Variants in OPRD1 observed in about 807,000 individuals in gnomAD.
The protein encoded by OPRD1 is opioid receptor delta 1, also known as delta-type opioid receptor.
In OPRD1, 19 loss-of-function variants were observed where a neutral mutation model predicts 17.5. That is an observed-to-expected ratio of 1.09 (90% CI 0.76 to 1.60). OPRD1 has a LOEUF of 1.60. OPRD1 is among the 40% of genes most tolerant of loss of function. OPRD1 has a pLI of 0.00. For missense variants in OPRD1, 483 were observed against 547.2 expected, an observed-to-expected ratio of 0.88 and a Z score of 1.17; for synonymous variants, 256 against 240.9, an observed-to-expected ratio of 1.06 and a Z score of -0.58.
chr1:28,822,198 C>T (rs1332806815), intron 1 of OPRD1, among the ~76,000 whole-genome samples: 5 of 152,094 alleles, frequency 3.3e-5, no homozygotes, highest in Non-Finnish European at 5.9e-5. Flanking sequence ...ATCCGCCCGA[C>T]TCGTCCTCCC....
intron 1 of OPRD1, among the ~76,000 whole-genome samples, chr1:28,849,220 T>C (rs933757504): frequency 1.3e-5 from 2 of 151,736 alleles, no homozygotes; most frequent in Non-Finnish European, 1.5e-5. Context: ...CTGAGCAACA[T>C]AGTGAGACCC....
At chr1:28,840,153 T>C (rs1279644869) in intron 1 of OPRD1, among the ~76,000 whole-genome samples, 7 of 152,186 alleles carry the variant, frequency 4.6e-5, no homozygotes, top group Admixed American at 4.6e-4. Flanking sequence ...TGAACATTTA[T>C]TCATTTCACA....
chr1:28,863,588 TAC>T lies in OPRD1; in HGVS notation c.*307_*308del. Reference sequence around the variant, plus strand: ...AGGAGAGGAGCGGGACCTGTGGCTCTACAACTGAGTCCTTAAACAGGGCATCT... The same window carrying T: ...AGGAGAGGAGCGGGACCTGTGGCTCTAACTGAGTCCTTAAACAGGGCATCT... On this transcript the variant is annotated 3_prime_UTR_variant, in exon 3 of 3. Transcript: ENST00000234961. 2.9e-6 allele frequency: 1 copy of T among 350,012 alleles called. No homozygotes were observed. The highest frequency in any genetic ancestry group is 5.1e-6 in the Non-Finnish European group (1 of 195,654). 21.7% of individuals were successfully genotyped at this position (350,012 alleles called of 1,614,324 possible). A position where few individuals can be genotyped will look rare whatever the true frequency, so the allele number is the denominator to read the frequency against.
At chr1:28,834,779 G>A (rs1057286362) in intron 1 of OPRD1, among the ~76,000 whole-genome samples, 1 of 152,164 alleles carries the variant, frequency 6.6e-6, no homozygotes, top group African/African-American at 2.4e-5. Flanking sequence ...GAGACAAGAG[G>A]GCAGTAAGAT....
chr1:28,851,132 C>A (rs2088999242), intron 1 of OPRD1, among the ~76,000 whole-genome samples: 2 of 152,050 alleles, frequency 1.3e-5, no homozygotes, highest in Admixed American at 1.3e-4. Flanking sequence ...GAAAAAGAGC[C>A]ACTTGAAAGC....
chr1:28,855,329 G>A (rs371033416), intron 1 of OPRD1, among the ~76,000 whole-genome samples: 273 of 152,310 alleles, frequency 1.8e-3, no homozygotes, highest in African/African-American at 6.2e-3. Context: ...CGGGCTTGAC[G>A]TGTCCAGGGA....
chr1:28,836,630 C>T (rs1372807790), intron 1 of OPRD1, among the ~76,000 whole-genome samples: 3 of 152,152 alleles, frequency 2.0e-5, no homozygotes, highest in Non-Finnish European at 2.9e-5. Flanking sequence ...GGCCCGGCTT[C>T]GGTGGTTGCT....
At chr1:28,861,688 A>C (rs1345896382) in intron 2 of OPRD1, among the ~76,000 whole-genome samples, 4 of 151,754 alleles carry the variant, frequency 2.6e-5, no homozygotes, top group African/African-American at 7.3e-5. Context: ...CAAGCAGTCC[A>C]CCTGCCTCAG....
At chr1:28,825,597 G>A (rs375474949) in intron 1 of OPRD1, among the ~76,000 whole-genome samples, 28 of 152,260 alleles carry the variant, frequency 1.8e-4, no homozygotes, top group African/African-American at 6.7e-4. Flanking sequence ...TGTTGGTCAG[G>A]CTGGTCTTGA....
At chr1:28,815,139 A>T (rs541855148) in intron 1 of OPRD1, among the ~76,000 whole-genome samples, 1 of 152,132 alleles carries the variant, frequency 6.6e-6, no homozygotes, top group East Asian at 1.9e-4. Flanking sequence ...TATTTTTGAG[A>T]CAAGATTTCT....
chr1:28,858,309 T>C (rs957357832), intron 1 of OPRD1, among the ~76,000 whole-genome samples: 1 of 139,706 alleles, frequency 7.2e-6, no homozygotes, highest in Admixed American at 7.4e-5. Context: ...AGAGAGGGGG[T>C]TTCACCGTGT....
intron 1 of OPRD1, among the ~76,000 whole-genome samples, chr1:28,813,658 C>T (rs935133360): frequency 6.6e-6 from 1 of 152,164 alleles, no homozygotes; most frequent in African/African-American, 2.4e-5. Flanking sequence ...AAATTTCCAT[C>T]TTTAAAACAA....
At chr1:28,828,636 T>C (rs922390069) in intron 1 of OPRD1, among the ~76,000 whole-genome samples, 2 of 146,790 alleles carry the variant, frequency 1.4e-5, no homozygotes, top group African/African-American at 5.0e-5. Flanking sequence ...CACTGAGCTA[T>C]GATCGTGCCA....
In OPRD1 at chr1:28,863,750, A is replaced by ACT. The variant is rs1456472540; in HGVS notation, c.*468_*469dup. ...AGTTGCTTGAAAACTGAGCTGCAAGACTGGGCCTCTGTGTAGTAGGGAGGA... is the reference window on the plus strand; with the variant it reads ...AGTTGCTTGAAAACTGAGCTGCAAGACTCTGGGCCTCTGTGTAGTAGGGAGGA... On this transcript the variant is annotated 3_prime_UTR_variant, in exon 3 of 3. Transcript: ENST00000234961. 2 of 158,102 alleles carry ACT rather than the reference A, an allele frequency of 1.3e-5. No individual in the cohort carries two copies. The highest frequency in any genetic ancestry group is 3.8e-4 in the East Asian group (2 of 5,316). 9.8% of individuals were successfully genotyped at this position (158,102 alleles called of 1,614,324 possible). A position where few individuals can be genotyped will look rare whatever the true frequency, so the allele number is the denominator to read the frequency against.
intron 1 of OPRD1, among the ~76,000 whole-genome samples, chr1:28,814,163 G>C (rs1296192484): frequency 1.3e-5 from 2 of 152,002 alleles, no homozygotes; most frequent in Non-Finnish European, 2.9e-5. Flanking sequence ...GTCTTTGTCA[G>C]TGATTCTCCC....
intron 1 of OPRD1, among the ~76,000 whole-genome samples, chr1:28,817,814 C>G (rs904406355): frequency 7.3e-5 from 11 of 150,938 alleles, no homozygotes; most frequent in African/African-American, 2.7e-4. Context: ...AAGGGATTCT[C>G]GTGCCTCAGC....
chr1:28,823,544 G>A (rs959642417), intron 1 of OPRD1, among the ~76,000 whole-genome samples: 1 of 151,872 alleles, frequency 6.6e-6, no homozygotes. Context: ...TTACAGGTAC[G>A]CACACCATGC....
intron 1 of OPRD1, among the ~76,000 whole-genome samples, chr1:28,848,447 G>A (rs111523176): frequency 6.6e-6 from 1 of 152,056 alleles, no homozygotes; most frequent in Admixed American, 6.6e-5. Context: ...AATATACTCC[G>A]TTCTTATCCT....
intron 1 of OPRD1, among the ~76,000 whole-genome samples, chr1:28,858,035 T>C (rs913367343): frequency 6.6e-6 from 1 of 151,002 alleles, no homozygotes; most frequent in African/African-American, 2.4e-5. Context: ...GACCTCGTGA[T>C]CCGCCCACCT....
Sources: allele counts gnomAD v4.1 joint callset (sites outside exome capture counted in the v4.1 genomes callset), GRCh38; gene constraint gnomAD v4.1.1; transcripts MANE v1.5; gene names NCBI Gene and HGNC (gene_info 2026-07-23, HGNC 2026-07-21).